The following NRXN3 variants were observed in gnomAD, a reference collection of about 807,000 sequenced individuals.
NRXN3 encodes neurexin 3.
NRXN3 carries 32 observed loss-of-function variants against 137.6 expected under a neutral mutation model. That is an observed-to-expected ratio of 0.23 (90% confidence interval 0.18 to 0.31). The LOEUF is 0.31. Ranked by LOEUF, NRXN3 falls within the 10% of genes least tolerant of loss-of-function variation. The probability of loss-of-function intolerance (pLI) is 1.00; values close to 1 mark genes in which losing one functional copy is unlikely to be tolerated. For missense variants in NRXN3, 1,574 were observed against 2,062.5 expected (o/e 0.76, Z 4.59); for synonymous variants, 798 against 784.5 (o/e 1.02, Z -0.29).
At chr14:79,448,026 C>A (rs879444986) in intron 15 of NRXN3, among the ~76,000 whole-genome samples, 2 of 152,174 alleles carry the variant, frequency 1.3e-5, no homozygotes, top group African/African-American at 2.4e-5. Flanking sequence ...CAGACAAGGA[C>A]CTCCTTCACA....
intron 19 of NRXN3, among the ~76,000 whole-genome samples, chr14:79,787,579 C>T (rs938739353): frequency 3.9e-5 from 6 of 152,240 alleles, no homozygotes; most frequent in Admixed American, 1.3e-4. Flanking sequence ...CTCTGATAAC[C>T]ACCACTCTAC....
At chr14:79,491,185 G>C (rs2153656896) in intron 16 of NRXN3, among the ~76,000 whole-genome samples, 1 of 152,260 alleles carries the variant, frequency 6.6e-6, no homozygotes. Flanking sequence ...GTGAGGTTAA[G>C]TGACTTGCCA....
rs774086653 is a variant in NRXN3, at chr14:79,727,605, T to TA, written c.4014+29679dup. On this transcript the variant is annotated intron_variant, in intron 19 of 20. Coordinates refer to ENST00000335750, the MANE Select transcript of NRXN3 (RefSeq NM_001330195.2). ...CATGTATGCTGCAGATGATTTGGGT[T>TA]AAAAAAAAAAATTGGCCAGCCTAAA... is the stretch of plus-strand genomic sequence containing the variant. Among the ~76,000 whole-genome samples the TA allele has an allele frequency of 5.1e-4, 76 of 148,274 alleles. 1 individual carries two copies. In the South Asian group the frequency reaches 7.0e-3, roughly 14 times the overall value.
intron 1 of NRXN3, among the ~76,000 whole-genome samples, chr14:78,210,343 A>C (rs1468088132): frequency 6.6e-6 from 1 of 152,152 alleles, no homozygotes; most frequent in African/African-American, 2.4e-5. Flanking sequence ...CCCATTCATG[A>C]AGGCTCCACC....
At position 79,697,658 on chromosome 14, in the gene NRXN3, G is replaced by A. The variant is rs2098740465; in HGVS notation, c.3735G>A (p.Gln1245=). Residue 1245 remains glutamine (Q), a synonymous_variant, in exon 19 of 21, where the codon CAG becomes CAA. Transcript: ENST00000335750. Reference sequence around the variant, plus strand: ...GGCAGTTAACCATCTTCAACACTCAGGCGCAAATAGCCATTGGTGGAAAGG... The same window carrying A: ...GGCAGTTAACCATCTTCAACACTCAAGCGCAAATAGCCATTGGTGGAAAGG... ...KGRQLTIFNT[Q]AQIAIGGKDK... 1.9e-6 allele frequency: 3 copies of A among 1,612,490 alleles called. No individual in the cohort carries two copies. The highest frequency in any genetic ancestry group is 2.5e-6 in the Non-Finnish European group (3 of 1,179,088).
At chr14:79,686,050 T>C (rs2154020475) in intron 17 of NRXN3, among the ~76,000 whole-genome samples, 1 of 151,930 alleles carries the variant, frequency 6.6e-6, no homozygotes, top group Middle Eastern at 3.4e-3. Context: ...TCCCAGCACT[T>C]TGGGAGGTCG....
intron 8 of NRXN3, among the ~76,000 whole-genome samples, chr14:78,726,298 A>C (rs2098483093): frequency 6.6e-6 from 1 of 151,998 alleles, no homozygotes; most frequent in Non-Finnish European, 1.5e-5. Flanking sequence ...CCATCAACCC[A>C]TCACTTACAT....
chr14:79,764,735 G>C (rs1028869577), intron 19 of NRXN3, among the ~76,000 whole-genome samples: 2 of 152,092 alleles, frequency 1.3e-5, no homozygotes, highest in African/African-American at 4.8e-5. Flanking sequence ...TGATGGCCAG[G>C]CTGCTCTGGA....
chr14:78,380,457 A>T (rs1374315437), intron 4 of NRXN3, among the ~76,000 whole-genome samples: 1 of 152,164 alleles, frequency 6.6e-6, no homozygotes, highest in African/African-American at 2.4e-5. Context: ...GGTGGGCATA[A>T]ATCCAATGAC....
At chr14:79,858,144 CT>C (rs561232071) in intron 20 of NRXN3, among the ~76,000 whole-genome samples, 1,632 of 140,966 alleles carry the variant, frequency 0.012, 12 homozygotes, top group Middle Eastern at 0.031. Flanking sequence ...TGTGGTTACT[CT>C]TTTTTTTTTT....
chr14:78,941,374 G>T (rs966972376), intron 10 of NRXN3, among the ~76,000 whole-genome samples: 1 of 152,158 alleles, frequency 6.6e-6, no homozygotes, highest in Non-Finnish European at 1.5e-5. Context: ...AGGGCTGGCA[G>T]GGATTCACCT....
At chr14:79,156,202 A>G (rs1273009626) in intron 15 of NRXN3, among the ~76,000 whole-genome samples, 2 of 151,876 alleles carry the variant, frequency 1.3e-5, no homozygotes, top group Non-Finnish European at 2.9e-5. Flanking sequence ...AGTAAATGCT[A>G]TTAGAGTAAC....
At chr14:79,786,671 G>A (rs2099130304) in intron 19 of NRXN3, among the ~76,000 whole-genome samples, 1 of 152,208 alleles carries the variant, frequency 6.6e-6, no homozygotes. Flanking sequence ...ATGCATTAAT[G>A]TGTGCGTCGA....
chr14:78,918,631 A>AT (rs2099263100), intron 10 of NRXN3, among the ~76,000 whole-genome samples: 1 of 152,024 alleles, frequency 6.6e-6, no homozygotes, highest in Non-Finnish European at 1.5e-5. Context: ...GCTGATCCAT[A>AT]TTTTTTCTCT....
At chr14:78,645,014 C>A in intron 4 of NRXN3, 106 bp from the exon 5 acceptor site, 1 of 985,024 alleles carries the variant, frequency 1.0e-6, no homozygotes, top group Non-Finnish European at 1.5e-6. Flanking sequence ...TTGGTATCAG[C>A]ACAAGAACGG....
intron 15 of NRXN3, among the ~76,000 whole-genome samples, chr14:79,112,332 G>A (rs894524885): frequency 6.6e-6 from 1 of 152,156 alleles, no homozygotes. Context: ...ATGTAGGAGT[G>A]GACTGCTGAG....
rs2098846593 is a variant in NRXN3 at position 78,803,792 on chromosome 14, T to TG, written c.2223dup (p.Arg742AlafsTer7). On this transcript the variant is annotated frameshift_variant, in exon 9 of 21. Transcript: ENST00000335750. LOFTEE classifies it high-confidence loss of function. Reference sequence around the variant, plus strand: ...CCGACACCCTGCGTCTGGAGCTGGATGGGGGGCGTGTCAAGCTCATGGTTA... The same window carrying TG: ...CCGACACCCTGCGTCTGGAGCTGGATGGGGGGGCGTGTCAAGCTCATGGTTA... The TG allele has an allele frequency of 6.2e-7, 1 of 1,613,928 alleles. No homozygotes were observed. The highest frequency in any genetic ancestry group is 8.5e-7 in the Non-Finnish European group (1 of 1,179,998).
At chr14:79,337,322 GTT>G (rs2092328808) in intron 15 of NRXN3, among the ~76,000 whole-genome samples, 1 of 152,160 alleles carries the variant, frequency 6.6e-6, no homozygotes, top group Admixed American at 6.5e-5. Context: ...TGAGCTCAAT[GTT>G]TAATGTCTTC....
chr14:79,866,048 G>A lies in NRXN3; in HGVS notation c.*4084G>A, dbSNP rs945872100. 4 of 152,048 alleles carry A rather than the reference G, an allele frequency of 2.6e-5. No individual in the cohort carries two copies. The highest frequency in any genetic ancestry group is 1.5e-5 in the Non-Finnish European group (1 of 68,012). 9.4% of individuals were successfully genotyped at this position (152,048 alleles called of 1,614,324 possible). A position where few individuals can be genotyped will look rare whatever the true frequency, so the allele number is the denominator to read the frequency against. On this transcript the variant is annotated 3_prime_UTR_variant, in exon 21 of 21. Transcript: ENST00000335750. Reference sequence around the variant, plus strand: ...TTATGTACAAGCTAGTCTACTATTGGCTATTGTTACTTTGTTTCAATGAAG... The same window carrying A: ...TTATGTACAAGCTAGTCTACTATTGACTATTGTTACTTTGTTTCAATGAAG...
Sources: allele counts gnomAD v4.1 joint callset (sites outside exome capture counted in the v4.1 genomes callset), GRCh38; gene constraint gnomAD v4.1.1; transcripts MANE v1.5; gene names NCBI Gene and HGNC (gene_info 2026-07-23, HGNC 2026-07-21).